The following CFTR variants were observed in gnomAD, a reference collection of about 807,000 sequenced individuals.
CFTR encodes the protein CF transmembrane conductance regulator.
Under a neutral mutation model 171.6 loss-of-function variants are expected in CFTR, and 181 were observed. The observed-to-expected ratio is 1.05, with a 90% CI of 0.93 to 1.19. CFTR has a LOEUF of 1.19. Among genes scored for constraint, CFTR ranks in the 50% most tolerant of loss-of-function variants. CFTR has a pLI of 0.00. For missense variants in CFTR, 1,968 were observed against 1,734.7 expected (o/e 1.13, Z -2.39); for synonymous variants, 583 against 608.0 (o/e 0.96, Z 0.60).
At chr7:117,559,784 G>A in intron 11 of CFTR, 129 bp downstream of exon 11, 1 of 659,648 alleles carries the variant, frequency 1.5e-6, no homozygotes, top group Non-Finnish European at 2.7e-6. Context: ...GTAAGCTACT[G>A]TGAATGGATC....
chr7:117,617,365 G>C (rs988478705), intron 21 of CFTR, among the ~76,000 whole-genome samples: 2 of 150,706 alleles, frequency 1.3e-5, no homozygotes, highest in African/African-American at 4.9e-5. Flanking sequence ...GTAATGTTTA[G>C]ATAACATTTA....
At chr7:117,614,561 AC>A in intron 20 of CFTR, 51 bp from the exon 21 acceptor site, 1 of 1,189,318 alleles carries the variant, frequency 8.4e-7, no homozygotes, top group Non-Finnish European at 1.3e-6. Context: ...AAAGTCGTTC[AC>A]AGAAGAGAGA....
intron 11 of CFTR, among the ~76,000 whole-genome samples, chr7:117,585,207 T>C (rs1373631822): frequency 2.0e-5 from 3 of 152,060 alleles, no homozygotes; most frequent in Non-Finnish European, 4.4e-5. Context: ...CACACATTTA[T>C]TTATTTTCTT....
intron 2 of CFTR, among the ~76,000 whole-genome samples, chr7:117,508,427 T>C (rs1378696228): frequency 1.3e-5 from 2 of 152,192 alleles, no homozygotes; most frequent in Non-Finnish European, 2.9e-5. Flanking sequence ...ATAGAAAATA[T>C]ATAATTTGAT....
intron 11 of CFTR, among the ~76,000 whole-genome samples, chr7:117,568,715 C>T (rs951070464): frequency 7.2e-5 from 11 of 152,174 alleles, no homozygotes; most frequent in African/African-American, 2.4e-4. Flanking sequence ...ATTAACATAT[C>T]CATCACTCAC....
chr7:117,577,457 C>T (rs1242438675), intron 11 of CFTR, among the ~76,000 whole-genome samples: 1 of 151,904 alleles, frequency 6.6e-6, no homozygotes, highest in Non-Finnish European at 1.5e-5. Context: ...ATTCTTTGAC[C>T]AAGATATTCT....
chr7:117,659,917 T>C (rs781592963), intron 24 of CFTR, among the ~76,000 whole-genome samples: 27 of 152,208 alleles, frequency 1.8e-4, no homozygotes, highest in Non-Finnish European at 3.5e-4. Flanking sequence ...TTCACTTTTA[T>C]GATTTTTTTT....
chr7:117,536,195 T>TA (rs1211402410), intron 6 of CFTR, among the ~76,000 whole-genome samples: 1 of 152,196 alleles, frequency 6.6e-6, no homozygotes, highest in Non-Finnish European at 1.5e-5. Flanking sequence ...TGGAGTCAAA[T>TA]AGCACTTTGT....
intron 1 of CFTR, among the ~76,000 whole-genome samples, chr7:117,490,287 T>G (rs1429106558): frequency 6.8e-6 from 1 of 146,848 alleles, no homozygotes; most frequent in African/African-American, 2.5e-5. Flanking sequence ...TTAGTCAAGG[T>G]TCTCCAGAGA....
At chr7:117,595,189 A>G (rs1367811624) in intron 15 of CFTR, 131 bp downstream of exon 15, 1 of 668,050 alleles carries the variant, frequency 1.5e-6, no homozygotes, top group Non-Finnish European at 2.6e-6. Flanking sequence ...GTATGCATAT[A>G]TACACACATA....
In CFTR at chr7:117,611,552, G is replaced by A. The variant is rs1008660631; in HGVS notation, c.3140-29G>A. On this transcript the variant is annotated intron_variant, in intron 19 of 26. Transcript: ENST00000003084. ...ATTACATTTTGTGTTTATGTTATTT[G>A]CAATGTTTTCTATGGAAATATTTCA... 4 of 1,263,050 alleles carry A rather than the reference G, an allele frequency of 3.2e-6. No individual in the cohort carries two copies. In the African/African-American group the frequency reaches 5.8e-5, roughly 18 times the overall value. 78.2% of individuals were successfully genotyped at this position (1,263,050 alleles called of 1,614,324 possible).
chr7:117,641,855 A>G (rs1792919863), intron 22 of CFTR, among the ~76,000 whole-genome samples: 1 of 152,222 alleles, frequency 6.6e-6, no homozygotes, highest in Admixed American at 6.5e-5. Flanking sequence ...ATGTGATTTG[A>G]CAACTGTCCA....
At chr7:117,522,975 A>T (rs1197349041) in intron 3 of CFTR, among the ~76,000 whole-genome samples, 3 of 152,178 alleles carry the variant, frequency 2.0e-5, no homozygotes, top group Non-Finnish European at 4.4e-5. Context: ...TAACAGCTCC[A>T]TGTGGTGGTG....
chr7:117,522,538 G>A (rs1488009016), intron 3 of CFTR, among the ~76,000 whole-genome samples: 1 of 152,168 alleles, frequency 6.6e-6, no homozygotes, highest in Non-Finnish European at 1.5e-5. Flanking sequence ...GCCATTAAGT[G>A]AATTCCATCT....
chr7:117,627,506 G>GTTATTT lies in CFTR; in HGVS notation c.3469-9_3469-4dup, dbSNP rs769785873. Reference sequence around the variant, plus strand: ...TGCCATTCTTAAAAACAAAAATGTTGTTATTTTTATTTCAGATGCGATCTG... The same window carrying GTTATTT: ...TGCCATTCTTAAAAACAAAAATGTTGTTATTTTTATTTTTATTTCAGATGCGATCTG... On this transcript the variant is annotated splice_polypyrimidine_tract_variant and intron_variant, in intron 21 of 26. Transcript: ENST00000003084. 1 of 1,612,376 alleles carries GTTATTT rather than the reference G, an allele frequency of 6.2e-7. No individual in the cohort carries two copies. The highest frequency in any genetic ancestry group is 2.2e-5 in the East Asian group (1 of 44,768).
rs115762793 is a variant in CFTR at position 117,664,707 on chromosome 7, T to C, written c.3983T>C (p.Ile1328Thr). The change falls in exon 25 of 27, where the codon ATA (isoleucine) becomes ACA (threonine). Residue 1328 changes from isoleucine to threonine, a missense_variant. Physicochemically the swap from Ile to Thr is moderately conservative, Grantham distance 89. Transcript: ENST00000003084. ...VADEVGLRSV[I>T]EQFPGKLDFV... Reference sequence around the variant, plus strand: ...CTGCAGGTTGGGCTCAGATCTGTGATAGAACAGTTTCCTGGGAAGCTTGAC... The same window carrying C: ...CTGCAGGTTGGGCTCAGATCTGTGACAGAACAGTTTCCTGGGAAGCTTGAC... 2.2e-5 allele frequency: 35 copies of C among 1,613,942 alleles called. No individual in the cohort carries two copies. The highest frequency in any genetic ancestry group is 6.6e-5 in the South Asian group (6 of 91,090).
chr7:117,648,158 C>T (rs985162945), intron 23 of CFTR, among the ~76,000 whole-genome samples: 20 of 150,564 alleles, frequency 1.3e-4, no homozygotes, highest in South Asian at 6.3e-4. Context: ...CATATATACA[C>T]GCACACACAC....
rs766189605 is a variant in CFTR, at chr7:117,540,184, G to A, written c.954G>A (p.Val318=). The A allele has an allele frequency of 1.4e-5, 22 of 1,613,898 alleles. No individual in the cohort carries two copies. Among genetic ancestry groups the A allele is most frequent in the Middle Eastern group, 3.3e-4 (2 of 6,084 alleles). The change falls in exon 8 of 27, where the codon GTG becomes GTA. Residue 318 remains valine, a synonymous_variant. Coordinates refer to ENST00000003084, the MANE Select transcript of CFTR (RefSeq NM_000492.4). ...SAFFFSGFFV[V]FLSVLPYALI... is the part of the protein sequence containing the mutation. ...TCTTCTTCTCAGGGTTCTTTGTGGTGTTTTTATCTGTGCTTCCCTATGCAC... is the reference window on the plus strand; with the variant it reads ...TCTTCTTCTCAGGGTTCTTTGTGGTATTTTTATCTGTGCTTCCCTATGCAC...
At chr7:117,658,826 T>C (rs1793220895) in intron 24 of CFTR, among the ~76,000 whole-genome samples, 1 of 152,184 alleles carries the variant, frequency 6.6e-6, no homozygotes, top group South Asian at 2.1e-4. Context: ...ATTTCTGAGG[T>C]TCCTGGCTCA....
Sources: allele counts gnomAD v4.1 joint callset (sites outside exome capture counted in the v4.1 genomes callset), GRCh38; gene constraint gnomAD v4.1.1; transcripts MANE v1.5; gene names NCBI Gene and HGNC (gene_info 2026-07-23, HGNC 2026-07-21).